The following CEMIP2 variants were observed in gnomAD, a reference collection of about 807,000 sequenced individuals.
CEMIP2 encodes the protein cell surface hyaluronidase CEMIP2.
Under a neutral mutation model 146.9 loss-of-function variants are expected in CEMIP2, and 79 were observed. The ratio of observed to expected loss-of-function variants is 0.54; its 90% CI spans 0.45 to 0.65. The LOEUF is 0.65. Among genes scored for constraint, CEMIP2 ranks in the 30% least tolerant of loss-of-function variants. The pLI is 0.00. For synonymous variants in CEMIP2, 601 were observed against 606.3 expected (o/e 0.99, Z 0.13); for missense variants, 1,596 against 1,696.2 (o/e 0.94, Z 1.04).
intron 22 of CEMIP2, among the ~76,000 whole-genome samples, chr9:71,689,533 C>T (rs1253203412): frequency 6.6e-6 from 1 of 152,244 alleles, no homozygotes; most frequent in Non-Finnish European, 1.5e-5. Context: ...AGAGCGATTG[C>T]ACACTCAGCC....
At chr9:71,710,692 T>C (rs978073960) in intron 16 of CEMIP2, among the ~76,000 whole-genome samples, 19 of 152,140 alleles carry the variant, frequency 1.2e-4, no homozygotes, top group Non-Finnish European at 8.8e-5. Flanking sequence ...ACAGGATGCA[T>C]AGAGAACTAC....
At chr9:71,754,039 G>A (rs1056403794) in intron 1 of CEMIP2, among the ~76,000 whole-genome samples, 1 of 152,054 alleles carries the variant, frequency 6.6e-6, no homozygotes. Context: ...ACAGGGCAGG[G>A]AACATCACAC....
chr9:71,729,824 G>A (rs1164109379), intron 10 of CEMIP2, 21 bp downstream of exon 10: 1 of 1,607,874 alleles, frequency 6.2e-7, no homozygotes, highest in Non-Finnish European at 8.5e-7. Context: ...AAACATCTGA[G>A]GTCACTTTAA....
chr9:71,761,670 G>A (rs1261482427), intron 1 of CEMIP2, among the ~76,000 whole-genome samples: 2 of 152,198 alleles, frequency 1.3e-5, no homozygotes, highest in Non-Finnish European at 2.9e-5. Flanking sequence ...CATCTCTTAT[G>A]AGAAAAGGGT....
Position 71,690,086 on chromosome 9 carries a change from A to T in CEMIP2, c.3851+6T>A. On this transcript the variant is annotated splice_donor_region_variant and intron_variant, in intron 22 of 23. Transcript: ENST00000377044. Reference sequence around the variant, plus strand: ...TTTTCCCTGTTACAGCACAAGCTTGACCTACCTTGGAGGGATGCCTGTTTT... The same window carrying T: ...TTTTCCCTGTTACAGCACAAGCTTGTCCTACCTTGGAGGGATGCCTGTTTT... The T allele has an allele frequency of 1.2e-6, 2 of 1,613,512 alleles. No individual in the cohort carries two copies. Among genetic ancestry groups the T allele is most frequent in the Non-Finnish European group, 8.5e-7 (1 of 1,179,504 alleles).
chr9:71,708,810 T>A (rs1238409754), intron 17 of CEMIP2, among the ~76,000 whole-genome samples: 1 of 152,198 alleles, frequency 6.6e-6, no homozygotes, highest in Non-Finnish European at 1.5e-5. Flanking sequence ...CGGGAACATC[T>A]CACTTTTCAT....
intron 15 of CEMIP2, among the ~76,000 whole-genome samples, chr9:71,714,042 C>G (rs1822980414): frequency 2.0e-5 from 3 of 152,086 alleles, no homozygotes; most frequent in African/African-American, 7.2e-5. Context: ...GCATGGTGAC[C>G]TTTTTCCAGA....
chr9:71,728,241 A>ATACG (rs1229470172), intron 10 of CEMIP2, among the ~76,000 whole-genome samples: 493 of 48,050 alleles, frequency 0.01, 21 homozygotes, highest in Non-Finnish European at 0.019. Flanking sequence ...CTATATATAT[A>ATACG]TATATATATG....
chr9:71,725,736 A>G (rs1437759809), intron 10 of CEMIP2, 27 bp from the exon 11 acceptor site: 2 of 1,606,608 alleles, frequency 1.2e-6, no homozygotes, highest in African/African-American at 1.3e-5. Flanking sequence ...AAGCCCATTA[A>G]AAGCCTAATT....
At chr9:71,725,018 T>C (rs62547003) in intron 11 of CEMIP2, among the ~76,000 whole-genome samples, 2 of 141,002 alleles carry the variant, frequency 1.4e-5, no homozygotes, top group East Asian at 2.0e-4. Flanking sequence ...TGCATGTATG[T>C]GTTGCACATA....
At chr9:71,736,533 T>C (rs1051303248) in intron 5 of CEMIP2, among the ~76,000 whole-genome samples, 3 of 152,202 alleles carry the variant, frequency 2.0e-5, no homozygotes, top group Non-Finnish European at 2.9e-5. Context: ...ATGATGTAAA[T>C]TATGTAATCT....
In CEMIP2 at chr9:71,748,022, G is replaced by A. The variant is rs185682950; in HGVS notation, c.332-1681C>T. ...TAAATTTGTTTTGCCTTAATAATGA[G>A]GATTCCTTAACTTTTCTACCTCCCT... On this transcript the variant is annotated intron_variant, in intron 2 of 23. Coordinates refer to ENST00000377044, the MANE Select transcript of CEMIP2 (RefSeq NM_013390.3). 3.3e-3 allele frequency among the ~76,000 whole-genome samples: 496 copies of A among 152,202 alleles called. 4 individuals are homozygous for A. Among genetic ancestry groups the A allele is most frequent in the African/African-American group, 0.011 (471 of 41,520 alleles).
At chr9:71,714,691 TG>T (rs1437484823) in intron 15 of CEMIP2, among the ~76,000 whole-genome samples, 3 of 152,210 alleles carry the variant, frequency 2.0e-5, no homozygotes, top group African/African-American at 7.2e-5. Flanking sequence ...GTTATAAAAT[TG>T]ATAATTAAAT....
intron 5 of CEMIP2, 112 bp from the exon 6 acceptor site, chr9:71,735,106 T>G (rs1436577342): frequency 3.1e-5 from 40 of 1,307,174 alleles, no homozygotes; most frequent in Non-Finnish European, 3.3e-5. Flanking sequence ...ATAACCACGA[T>G]TCAGCAAATT....
At chr9:71,726,024 C>A (rs1421724130) in intron 10 of CEMIP2, among the ~76,000 whole-genome samples, 2 of 152,290 alleles carry the variant, frequency 1.3e-5, no homozygotes, top group African/African-American at 2.4e-5. Context: ...AAAACCAAAT[C>A]GGCTTTCCAT....
intron 1 of CEMIP2, among the ~76,000 whole-genome samples, chr9:71,753,492 A>T (rs1164996845): frequency 3.9e-5 from 6 of 152,190 alleles, no homozygotes; most frequent in Non-Finnish European, 7.3e-5. Context: ...TTTTTCCTAT[A>T]AAGTTCCTGC....
At chr9:71,724,774 A>G (rs532995198) in intron 11 of CEMIP2, among the ~76,000 whole-genome samples, 49 of 152,346 alleles carry the variant, frequency 3.2e-4, no homozygotes, top group Non-Finnish European at 5.4e-4. Flanking sequence ...CACTATTTAT[A>G]TAATTAGTAT....
intron 18 of CEMIP2, among the ~76,000 whole-genome samples, chr9:71,702,305 GA>G (rs749403739): frequency 6.8e-6 from 1 of 147,388 alleles, no homozygotes; most frequent in African/African-American, 2.5e-5. Flanking sequence ...GTTTTCAAGT[GA>G]AAAAAATAAC....
intron 13 of CEMIP2, among the ~76,000 whole-genome samples, chr9:71,717,407 C>T (rs1439952667): frequency 1.3e-5 from 2 of 151,886 alleles, no homozygotes; most frequent in African/African-American, 2.4e-5. Context: ...AAAAAATACA[C>T]ACACACATTT....
Sources: allele counts gnomAD v4.1 joint callset (sites outside exome capture counted in the v4.1 genomes callset), GRCh38; gene constraint gnomAD v4.1.1; transcripts MANE v1.5; gene names NCBI Gene and HGNC (gene_info 2026-07-23, HGNC 2026-07-21).